The following CIRSR variants were observed in gnomAD, a reference collection of about 807,000 sequenced individuals.
The protein encoded by CIRSR is corepressor of RBPJ and splicing regulator, also known as CBF1 (RBPJ) interacting corepressor 1.
At chr2:174,356,853 A>C in the CIRSR span, among the ~76,000 whole-genome samples, 1 of 152,170 alleles carries the variant, frequency 6.6e-6, no homozygotes, top group Non-Finnish European at 1.5e-5. Context: ...TTGCAAACCT[A>C]CATCACATAG....
the CIRSR span, among the ~76,000 whole-genome samples, chr2:174,365,549 T>G: frequency 6.6e-6 from 1 of 152,226 alleles, no homozygotes; most frequent in Non-Finnish European, 1.5e-5. Context: ...GAAAGAGGTT[T>G]AACTGGACTT....
At chr2:174,382,834 T>C in the CIRSR span, among the ~76,000 whole-genome samples, 2 of 152,046 alleles carry the variant, frequency 1.3e-5, no homozygotes, top group Non-Finnish European at 1.5e-5. Flanking sequence ...ACTGGTTCAG[T>C]CAAAGTTTTA....
chr2:174,380,728 A>T, the CIRSR span: 1 of 1,611,316 alleles, frequency 6.2e-7, no homozygotes, highest in Non-Finnish European at 8.5e-7. Flanking sequence ...AAAAACATTC[A>T]TTGAAAATTC....
the CIRSR span, chr2:174,351,513 A>T: frequency 1.2e-6 from 1 of 818,010 alleles, no homozygotes; most frequent in Non-Finnish European, 1.9e-6. Flanking sequence ...GCTCTATCTT[A>T]CTTTCCTATG....
the CIRSR span, among the ~76,000 whole-genome samples, chr2:174,362,674 G>C: frequency 9.0e-6 from 1 of 110,652 alleles, no homozygotes; most frequent in East Asian, 2.8e-4. Flanking sequence ...GTGACAGAGC[G>C]AGACTCTGCC....
the CIRSR span, among the ~76,000 whole-genome samples, chr2:174,365,069 G>T: frequency 6.6e-6 from 1 of 152,248 alleles, no homozygotes; most frequent in African/African-American, 2.4e-5. Context: ...AAAACTGAAT[G>T]TTTTTAATAG....
the CIRSR span, among the ~76,000 whole-genome samples, chr2:174,378,106 G>A: frequency 6.6e-6 from 1 of 152,034 alleles, no homozygotes. Context: ...CTTCAATAGA[G>A]CAGCCCTGCT....
the CIRSR span, among the ~76,000 whole-genome samples, chr2:174,354,662 AAT>A: frequency 3.8e-4 from 34 of 89,014 alleles, no homozygotes; most frequent in African/African-American, 1.5e-3. Flanking sequence ...TATATTATAT[AAT>A]ATATATTATA....
At chr2:174,350,682 T>C in the CIRSR span, 1 of 1,606,998 alleles carries the variant, frequency 6.2e-7, no homozygotes, top group Non-Finnish European at 8.5e-7. Flanking sequence ...TGTTTTTGTT[T>C]GGTTGTTAGT....
the CIRSR span, among the ~76,000 whole-genome samples, chr2:174,354,636 ATAT>A: frequency 1.2e-5 from 1 of 86,222 alleles, no homozygotes; most frequent in South Asian, 2.7e-4. Flanking sequence ...TATATAATAT[ATAT>A]TATATATTTT....
chr2:174,376,316 T>G, the CIRSR span, among the ~76,000 whole-genome samples: 1 of 152,244 alleles, frequency 6.6e-6, no homozygotes, highest in Non-Finnish European at 1.5e-5. Flanking sequence ...TAAGCCTGGT[T>G]ACATAAATGT....
At chr2:174,354,416 TAA>T in the CIRSR span, among the ~76,000 whole-genome samples, 3 of 81,602 alleles carry the variant, frequency 3.7e-5, no homozygotes, top group South Asian at 3.9e-4. Context: ...ATATTATATA[TAA>T]TATATATTAT....
chr2:174,351,748 G>T, the CIRSR span: 3 of 1,587,394 alleles, frequency 1.9e-6, no homozygotes, highest in Admixed American at 1.7e-5. Flanking sequence ...ATCACAGTTT[G>T]AATGTATCAT....
chr2:174,350,744 T>C, the CIRSR span: 2 of 1,601,178 alleles, frequency 1.2e-6, no homozygotes, highest in Non-Finnish European at 8.5e-7. Flanking sequence ...TGCAACATAC[T>C]CCTGAGTCAA....
the CIRSR span, chr2:174,370,058 C>G: frequency 7.4e-7 from 1 of 1,357,754 alleles, no homozygotes; most frequent in Non-Finnish European, 9.8e-7. Flanking sequence ...TAAGGCATGC[C>G]TGCATTAGAG....
chr2:174,390,245 T>C, the CIRSR span, among the ~76,000 whole-genome samples: 11 of 152,326 alleles, frequency 7.2e-5, no homozygotes, highest in East Asian at 1.5e-3. Flanking sequence ...GCCCAAGGCT[T>C]TGGGAGCCTA....
chr2:174,354,498 TATATTATATATATCATATA>T, the CIRSR span, among the ~76,000 whole-genome samples: 1 of 35,064 alleles, frequency 2.9e-5, no homozygotes, highest in Non-Finnish European at 6.4e-5. Flanking sequence ...TTATATAAAT[TATATTATATATATCATATA>T]ATATATTTTA....
At chr2:174,353,750 G>A in the CIRSR span, among the ~76,000 whole-genome samples, 4 of 152,172 alleles carry the variant, frequency 2.6e-5, no homozygotes, top group Admixed American at 2.6e-4. Context: ...ACAGCCGTGA[G>A]CCACCGCGCC....
chr2:174,348,794 A>G, the CIRSR span: 1 of 1,614,166 alleles, frequency 6.2e-7, no homozygotes, highest in Admixed American at 1.7e-5. Context: ...CAGAATCAGA[A>G]TGGCTCCATT....
Sources: allele counts gnomAD v4.1 joint callset (sites outside exome capture counted in the v4.1 genomes callset), GRCh38; gene constraint gnomAD v4.1.1; transcripts MANE v1.5; gene names NCBI Gene and HGNC (gene_info 2026-07-23, HGNC 2026-07-21).